CACNA1E: variants seen among roughly 807,000 people sequenced by gnomAD.
CACNA1E encodes the protein voltage-dependent R-type calcium channel subunit alpha-1E.
In CACNA1E, 40 loss-of-function variants were observed where a neutral mutation model predicts 259.2. The observed-to-expected ratio is 0.15, with a 90% CI of 0.12 to 0.20. CACNA1E has a LOEUF of 0.20. Ranked by LOEUF, CACNA1E falls within the 10% of genes least tolerant of loss-of-function variation. CACNA1E has a pLI of 1.00. For missense variants in CACNA1E, 1,874 were observed against 3,040.1 expected (o/e 0.62, Z 9.02); for synonymous variants, 1,104 against 1,138.5 (o/e 0.97, Z 0.61).
chr1:181,503,647 A>G (rs550052577), intron 1 of CACNA1E, among the ~76,000 whole-genome samples: 2 of 152,366 alleles, frequency 1.3e-5, no homozygotes, highest in South Asian at 4.1e-4. Flanking sequence ...GAGCCACAGT[A>G]GATGCTGAAA....
At chr1:181,670,946 C>CT (rs1648729872) in intron 7 of CACNA1E, among the ~76,000 whole-genome samples, 1 of 152,182 alleles carries the variant, frequency 6.6e-6, no homozygotes, top group Non-Finnish European at 1.5e-5. Context: ...AAGGTACAGA[C>CT]TAATTTTTTA....
chr1:181,393,308 T>G (rs974089898), intron 1 of CACNA1E, among the ~76,000 whole-genome samples: 1 of 152,230 alleles, frequency 6.6e-6, no homozygotes, highest in Non-Finnish European at 1.5e-5. Context: ...CCTTACAGCA[T>G]TATCATAGGA....
chr1:181,791,315 C>CA (rs929669503), intron 44 of CACNA1E, among the ~76,000 whole-genome samples: 19 of 151,818 alleles, frequency 1.3e-4, no homozygotes, highest in African/African-American at 9.7e-5. Context: ...ACTAAAAATA[C>CA]AAAAAAAATT....
intron 7 of CACNA1E, among the ~76,000 whole-genome samples, chr1:181,691,216 T>G (rs1429145238): frequency 6.6e-6 from 1 of 151,184 alleles, no homozygotes; most frequent in Non-Finnish European, 1.5e-5. Context: ...ATATATATAT[T>G]TATTTAGTTC....
chr1:181,361,158 C>T (rs993963731), intron 1 of CACNA1E, among the ~76,000 whole-genome samples: 5 of 152,188 alleles, frequency 3.3e-5, no homozygotes, highest in African/African-American at 4.8e-5. Flanking sequence ...ATCCTCTCTG[C>T]TCCTTTCTGA....
chr1:181,319,400 A>G (rs1478661061), intron 1 of CACNA1E, among the ~76,000 whole-genome samples: 1 of 152,208 alleles, frequency 6.6e-6, no homozygotes, highest in Non-Finnish European at 1.5e-5. Flanking sequence ...TGGGCTAGAC[A>G]CCAGGAAAAA....
rs552908775 is a variant in CACNA1E, at chr1:181,702,033, C to T, written c.1056-8921C>T. On this transcript the variant is annotated intron_variant, in intron 7 of 47. Coordinates refer to ENST00000367573, the MANE Select transcript of CACNA1E (RefSeq NM_001205293.3). The stretch of plus-strand genomic sequence containing the variant: ...TCACAGCAGACAATCCTTGAAGCAG[C>T]TGGCACATATTGTGTGGATGACAGA... Among the ~76,000 whole-genome samples the T allele has an allele frequency of 1.7e-4, 26 of 152,232 alleles. No individual in the cohort carries two copies. The South Asian group carries it at 5.4e-3, about 32-fold the overall frequency.
chr1:181,720,354 T>C lies in CACNA1E; in HGVS notation c.1883+17T>C. Reference sequence around the variant, plus strand: ...TGGAGGCAGGTAAGTGCCCAGAAGCTTTCCATCCAAAGGAGGCTCAAAACC... The same window carrying C: ...TGGAGGCAGGTAAGTGCCCAGAAGCCTTCCATCCAAAGGAGGCTCAAAACC... On this transcript the variant is annotated intron_variant, in intron 14 of 47. Coordinates refer to ENST00000367573, the MANE Select transcript of CACNA1E (RefSeq NM_001205293.3). 1 of 1,609,094 alleles carries C rather than the reference T, an allele frequency of 6.2e-7. No homozygotes were observed. Among genetic ancestry groups the C allele is most frequent in the Non-Finnish European group, 8.5e-7 (1 of 1,177,908 alleles).
chr1:181,332,070 T>C (rs929165966), intron 1 of CACNA1E, among the ~76,000 whole-genome samples: 1 of 152,284 alleles, frequency 6.6e-6, no homozygotes, highest in African/African-American at 2.4e-5. Context: ...TGCAAGGACA[T>C]GAATGGAGCT....
chr1:181,785,924 C>T, intron 43 of CACNA1E, 105 bp downstream of exon 43: 1 of 715,462 alleles, frequency 1.4e-6, no homozygotes, highest in Non-Finnish European at 2.4e-6. Context: ...AGAACAAATA[C>T]TCTGAGCTTG....
intron 15 of CACNA1E, among the ~76,000 whole-genome samples, chr1:181,721,290 A>G (rs1186613956): frequency 2.6e-5 from 4 of 152,212 alleles, no homozygotes; most frequent in African/African-American, 9.6e-5. Context: ...CTCAAAATCA[A>G]TAGTGTCTTA....
At chr1:181,778,850 C>T (rs752985676) in intron 38 of CACNA1E, among the ~76,000 whole-genome samples, 3 of 152,152 alleles carry the variant, frequency 2.0e-5, no homozygotes, top group Non-Finnish European at 2.9e-5. Flanking sequence ...CCAAGCTGAA[C>T]GCAGAAAAAT....
At chr1:181,406,387 T>C (rs1160081953) in intron 1 of CACNA1E, among the ~76,000 whole-genome samples, 2 of 152,130 alleles carry the variant, frequency 1.3e-5, no homozygotes, top group Non-Finnish European at 2.9e-5. Context: ...CTTTATGATG[T>C]ATCTACCTTT....
chr1:181,746,423 T>A (rs181989952), intron 25 of CACNA1E, among the ~76,000 whole-genome samples: 1 of 152,338 alleles, frequency 6.6e-6, no homozygotes, highest in East Asian at 1.9e-4. Context: ...GCAAAGCCAG[T>A]TCTTGAGCAA....
intron 25 of CACNA1E, chr1:181,745,495 C>T (rs150865911): frequency 1.2e-3 from 402 of 335,182 alleles, no homozygotes; most frequent in African/African-American, 8.1e-3. Flanking sequence ...ATAAAATGCA[C>T]CCTGTGAGCC....
intron 1 of CACNA1E, among the ~76,000 whole-genome samples, chr1:181,360,420 AG>A (rs1412722127): frequency 6.6e-6 from 1 of 152,236 alleles, no homozygotes; most frequent in African/African-American, 2.4e-5. Flanking sequence ...ATAAAAAGGA[AG>A]GGAGTACAGA....
chr1:181,478,040 T>C (rs547183343), intron 2 of CACNA1E, among the ~76,000 whole-genome samples: 2 of 152,212 alleles, frequency 1.3e-5, no homozygotes, highest in Non-Finnish European at 2.9e-5. Context: ...AATGGTCACA[T>C]ATTGTGAAGA....
intron 2 of CACNA1E, among the ~76,000 whole-genome samples, chr1:181,471,135 A>G (rs920848731): frequency 1.3e-5 from 2 of 152,188 alleles, no homozygotes; most frequent in Non-Finnish European, 2.9e-5. Context: ...GGGCCTAGCT[A>G]CTTCTCTCCA....
At chr1:181,593,728 G>A (rs958915971) in intron 6 of CACNA1E, among the ~76,000 whole-genome samples, 4 of 152,014 alleles carry the variant, frequency 2.6e-5, no homozygotes, top group African/African-American at 7.2e-5. Context: ...TAGTAGAGAC[G>A]GGGTTTCACC....
Sources: allele counts gnomAD v4.1 joint callset (sites outside exome capture counted in the v4.1 genomes callset), GRCh38; gene constraint gnomAD v4.1.1; transcripts MANE v1.5; gene names NCBI Gene and HGNC (gene_info 2026-07-23, HGNC 2026-07-21).